Variants in TMEM231 observed in about 807,000 individuals in gnomAD.
TMEM231 encodes the protein transmembrane protein 231.
Under a neutral mutation model 38.5 loss-of-function variants are expected in TMEM231, and 40 were observed. That is an observed-to-expected ratio of 1.04 (90% confidence interval 0.81 to 1.35). TMEM231 has a LOEUF of 1.35. Ranked by LOEUF, TMEM231 falls within the 40% of genes most tolerant of loss-of-function variation. TMEM231 has a pLI of 0.00. For missense variants in TMEM231, 420 were observed against 416.9 expected, an observed-to-expected ratio of 1.01 and a Z score of -0.07; for synonymous variants, 199 against 181.7, an observed-to-expected ratio of 1.10 and a Z score of -0.77.
At chr16:75,543,403 C>T (rs2080649673) in intron 4 of TMEM231, among the ~76,000 whole-genome samples, 1 of 152,054 alleles carries the variant, frequency 6.6e-6, no homozygotes, top group Non-Finnish European at 1.5e-5. Context: ...CCCATCTCTA[C>T]TACAAAGAAA....
intron 2 of TMEM231, among the ~76,000 whole-genome samples, chr16:75,553,599 C>T (rs2080783468): frequency 7.1e-6 from 1 of 140,818 alleles, no homozygotes; most frequent in Admixed American, 7.4e-5. Context: ...TCCAGCCTGG[C>T]TGACAGAGTG....
In TMEM231 at chr16:75,555,809, C is replaced by T; in HGVS notation, c.304G>A (p.Val102Ile). The T allele has an allele frequency of 6.5e-7, 1 of 1,538,214 alleles. No homozygotes were observed. Among genetic ancestry groups the T allele is most frequent in the African/African-American group, 1.4e-5 (1 of 73,088 alleles). ...CCCAGGCGGGAACCACGCACCGAAA[C>T]GAGCGGGACGCGCAGGCGATCCCCT... ...LQGDRLRVPLVSTREEDRNQD... is the reference protein window; with the variant it reads ...LQGDRLRVPLISTREEDRNQD... Residue 102 changes from valine (V) to isoleucine (I), a missense_variant, in exon 2 of 7, where the codon GTT (valine) becomes ATT (isoleucine). Transcript: ENST00000258173.
chr16:75,549,291 A>G (rs1378494704), intron 2 of TMEM231, among the ~76,000 whole-genome samples: 2 of 152,354 alleles, frequency 1.3e-5, no homozygotes, highest in African/African-American at 4.8e-5. Flanking sequence ...TTCAAAGGCT[A>G]CTACTTCTTT....
chr16:75,544,949 C>CTTTTTTTT (rs71134720), intron 4 of TMEM231, among the ~76,000 whole-genome samples: 3 of 89,594 alleles, frequency 3.3e-5, no homozygotes, highest in Non-Finnish European at 4.8e-5. Flanking sequence ...TTTTCTTTTT[C>CTTTTTTTT]TTTTTTTTTT....
Position 75,556,177 on chromosome 16 carries a change from G to A in TMEM231, c.33C>T (p.Val11=). Residue 11 remains valine (V), a synonymous_variant, in exon 1 of 7, where the codon GTC becomes GTT. Transcript: ENST00000258173. MALYELFSHP[V]ERSYRAGLCS... is the part of the protein sequence containing the mutation. The stretch of plus-strand genomic sequence containing the variant: ...AGAGCCCCGCGCGGTAACTGCGCTC[G>A]ACCGGGTGAGAGAAGAGCTCATAGA... 1 of 1,530,868 alleles carries A rather than the reference G, an allele frequency of 6.5e-7. No individual in the cohort carries two copies. The highest frequency in any genetic ancestry group is 8.7e-7 in the Non-Finnish European group (1 of 1,143,244). 94.8% of individuals were successfully genotyped at this position (1,530,868 alleles called of 1,614,324 possible). A position where few individuals can be genotyped will look rare whatever the true frequency, so the allele number is the denominator to read the frequency against.
rs1261710708 is a variant in TMEM231 at position 75,537,524 on chromosome 16, G to A, written c.*2470C>T. 7.0e-6 allele frequency: 1 copy of A among 141,924 alleles called. No individual in the cohort carries two copies. Among genetic ancestry groups the A allele is most frequent in the Non-Finnish European group, 1.5e-5 (1 of 66,508 alleles). 8.8% of individuals were successfully genotyped at this position (141,924 alleles called of 1,614,324 possible). The stretch of plus-strand genomic sequence containing the variant: ...TTTTTTTGAGACGGAGTCTAGCTCT[G>A]TTGCCAGGCTGGAGTGCAGTGGCGC... On this transcript the variant is annotated 3_prime_UTR_variant, in exon 7 of 7. Coordinates refer to ENST00000258173, the MANE Select transcript of TMEM231 (RefSeq NM_001077418.3).
At chr16:75,543,424 G>T (rs1753112158) in intron 4 of TMEM231, among the ~76,000 whole-genome samples, 1 of 152,050 alleles carries the variant, frequency 6.6e-6, no homozygotes, top group Non-Finnish European at 1.5e-5. Context: ...ACAAAAATTA[G>T]CCAGGCGTGG....
chr16:75,552,315 G>T (rs954831429), intron 2 of TMEM231, among the ~76,000 whole-genome samples: 1 of 152,064 alleles, frequency 6.6e-6, no homozygotes, highest in East Asian at 1.9e-4. Flanking sequence ...TGAGCCAGGC[G>T]TAGTGGCAGG....
intron 2 of TMEM231, among the ~76,000 whole-genome samples, chr16:75,546,914 A>G (rs778626182): frequency 6.6e-6 from 1 of 152,218 alleles, no homozygotes; most frequent in Non-Finnish European, 1.5e-5. Flanking sequence ...TATTAAAACC[A>G]TATCTATTTG....
chr16:75,555,769 C>CG, intron 2 of TMEM231, 35 bp downstream of exon 2: 2 of 1,478,982 alleles, frequency 1.4e-6, no homozygotes, highest in Non-Finnish European at 1.8e-6. Context: ...ACCCTATCCC[C>CG]GACTCTGCCC....
chr16:75,543,519 G>A (rs1480892643), intron 4 of TMEM231, among the ~76,000 whole-genome samples: 3 of 151,998 alleles, frequency 2.0e-5, no homozygotes, highest in Non-Finnish European at 4.4e-5. Context: ...GCAGTGAGCC[G>A]AGATCATGCC....
chr16:75,555,321 C>T (rs989061536), intron 2 of TMEM231: 1 of 155,970 alleles, frequency 6.4e-6, no homozygotes, highest in African/African-American at 2.4e-5. Flanking sequence ...TCTGGGAAGG[C>T]CGCTTAACCA....
chr16:75,543,176 G>A (rs1223602795), intron 4 of TMEM231, among the ~76,000 whole-genome samples: 1 of 151,956 alleles, frequency 6.6e-6, no homozygotes, highest in East Asian at 1.9e-4. Context: ...TTGAGGCCAT[G>A]AGTTCAAGGC....
rs397514753 is a variant in TMEM231, at chr16:75,542,602, C to G, written c.664G>C (p.Val222Leu). The G allele has an allele frequency of 6.2e-7, 1 of 1,613,618 alleles. No individual in the cohort carries two copies. Among genetic ancestry groups the G allele is most frequent in the Admixed American group, 1.7e-5 (1 of 59,986 alleles). ...TGAATGGGCTCTACCTGTGACTCAC[C>G]GTTCCTCTCCTGGTAGGCAGCAACA... ...HIVAAYQERN[V>L]TTVLNDPNPI... The change falls in exon 5 of 7, where the codon GTT becomes CTT. Residue 222 changes from valine to leucine, a missense_variant and splice_region_variant. Transcript: ENST00000258173.
intron 2 of TMEM231, among the ~76,000 whole-genome samples, chr16:75,553,339 G>C (rs1012097186): frequency 1.3e-5 from 2 of 152,162 alleles, no homozygotes; most frequent in African/African-American, 4.8e-5. Flanking sequence ...CAAAGCAGTG[G>C]CTCACACCTG....
intron 2 of TMEM231, among the ~76,000 whole-genome samples, chr16:75,554,138 A>G (rs2080788041): frequency 6.6e-6 from 1 of 152,042 alleles, no homozygotes; most frequent in Non-Finnish European, 1.5e-5. Flanking sequence ...CTTACTTTTC[A>G]TTTCCCTGCA....
intron 2 of TMEM231, among the ~76,000 whole-genome samples, chr16:75,548,692 T>A (rs548875094): frequency 8.7e-4 from 132 of 152,144 alleles, no homozygotes; most frequent in Admixed American, 1.8e-3. Flanking sequence ...AACATGGCGA[T>A]ACCCTGCCTC....
rs1207197689 is a variant in TMEM231 at position 75,555,922 on chromosome 16, T to A, written c.191A>T (p.Gln64Leu). The A allele has an allele frequency of 1.2e-6, 2 of 1,604,378 alleles. No individual in the cohort carries two copies. Among genetic ancestry groups the A allele is most frequent in the Admixed American group, 3.4e-5 (2 of 58,784 alleles). Residue 64 changes from glutamine to leucine, a missense_variant, in exon 2 of 7, where the codon CAA becomes CTA. Physicochemically the swap from Gln to Leu is moderately radical, Grantham distance 113 (BLOSUM62 -2). Transcript: ENST00000258173. ...SYEEQPTVRF[Q>L]HQVLLVALLG... ...CAGGGCCACGAGCAGCACCTGGTGTTGGAAGCGCACGGTCGGCTGCTCCTC... is the reference window on the plus strand; with the variant it reads ...CAGGGCCACGAGCAGCACCTGGTGTAGGAAGCGCACGGTCGGCTGCTCCTC...
At position 75,538,275 on chromosome 16, in the gene TMEM231, G is replaced by C. The variant is rs561817442; in HGVS notation, c.*1719C>G. 1.3e-5 allele frequency: 2 copies of C among 152,290 alleles called. No homozygotes were observed. Among genetic ancestry groups the C allele is most frequent in the African/African-American group, 4.8e-5 (2 of 41,548 alleles). The allele number at this position is 152,290 out of a possible 1,614,324, so 9.4% of individuals were successfully genotyped here. Reference sequence around the variant, plus strand: ...CCACCTTGGCCTCCCAAAGTGTTGAGATTACAGGAATGAACCACCATGCTC... The same window carrying C: ...CCACCTTGGCCTCCCAAAGTGTTGACATTACAGGAATGAACCACCATGCTC... On this transcript the variant is annotated 3_prime_UTR_variant, in exon 7 of 7. Coordinates refer to ENST00000258173, the MANE Select transcript of TMEM231 (RefSeq NM_001077418.3).
Sources: gnomAD v4.1 joint callset for allele counts (sites outside exome capture counted in the v4.1 genomes callset) on GRCh38, gnomAD v4.1.1 for gene constraint, MANE v1.5 for transcripts, NCBI Gene and HGNC (gene_info 2026-07-23, HGNC 2026-07-21) for gene names.